Variants in TMTC2 observed in about 807,000 individuals in gnomAD.
The protein encoded by TMTC2 is protein O-mannosyl-transferase TMTC2.
Under a neutral mutation model 82.4 loss-of-function variants are expected in TMTC2, and 43 were observed. The observed-to-expected ratio is 0.52, with a 90% CI of 0.41 to 0.67. The LOEUF (loss-of-function observed/expected upper bound fraction) is 0.67. Among genes scored for constraint, TMTC2 ranks in the 30% least tolerant of loss-of-function variants. The pLI is 0.00. For synonymous variants in TMTC2, 408 were observed against 381.9 expected (o/e 1.07, Z -0.80); for missense variants, 919 against 1,012.4 (o/e 0.91, Z 1.25).
At chr12:82,744,024 T>C (rs1017416527) in intron 1 of TMTC2, among the ~76,000 whole-genome samples, 1 of 152,104 alleles carries the variant, frequency 6.6e-6, no homozygotes, top group Non-Finnish European at 1.5e-5. Context: ...CTTTAATCCC[T>C]GTGCTCTGGG....
chr12:82,814,627 A>G (rs1045481089), intron 1 of TMTC2, among the ~76,000 whole-genome samples: 3 of 152,170 alleles, frequency 2.0e-5, no homozygotes, highest in African/African-American at 7.2e-5. Flanking sequence ...AGAATTACCA[A>G]TCATGATTAG....
chr12:82,903,050 T>C (rs984321437), intron 3 of TMTC2, among the ~76,000 whole-genome samples: 8 of 152,298 alleles, frequency 5.3e-5, no homozygotes, highest in Non-Finnish European at 5.9e-5. Context: ...GTGCCTTTTA[T>C]ATGCTAGGTA....
chr12:83,103,967 A>G, intron 11 of TMTC2, among the ~76,000 whole-genome samples: 1 of 152,232 alleles, frequency 6.6e-6, no homozygotes, highest in East Asian at 1.9e-4. Context: ...CATTCCAAAA[A>G]AAGAGAACTC....
chr12:83,021,659 T>C (rs958718843), intron 8 of TMTC2, among the ~76,000 whole-genome samples: 8 of 152,130 alleles, frequency 5.3e-5, no homozygotes, highest in Non-Finnish European at 1.2e-4. Context: ...TATCCACACC[T>C]GATCCACTGG....
chr12:82,968,854 T>G (rs1250071276), intron 7 of TMTC2, among the ~76,000 whole-genome samples: 2 of 152,174 alleles, frequency 1.3e-5, no homozygotes, highest in Non-Finnish European at 2.9e-5. Flanking sequence ...GAGAAGGAGA[T>G]GGTTGCTTTG....
intron 1 of TMTC2, among the ~76,000 whole-genome samples, chr12:82,745,676 T>C (rs1156652654): frequency 1.3e-5 from 2 of 152,222 alleles, no homozygotes; most frequent in Admixed American, 1.3e-4. Flanking sequence ...TAATTGTCTT[T>C]ATGCAGGTGT....
intron 1 of TMTC2, among the ~76,000 whole-genome samples, chr12:82,797,643 GT>G (rs1259871875): frequency 1.3e-5 from 2 of 152,052 alleles, no homozygotes; most frequent in Non-Finnish European, 2.9e-5. Flanking sequence ...TGAATTAGAT[GT>G]TAAATCAATT....
chr12:83,121,768 A>G lies in TMTC2; in HGVS notation c.2332-10442A>G, dbSNP rs530925604. Among the ~76,000 whole-genome samples, 4 of 152,084 alleles carry G rather than the reference A, an allele frequency of 2.6e-5. No individual in the cohort carries two copies. In the East Asian group the frequency reaches 7.8e-4, roughly 30 times the overall value. ...TTACCAGGGTGGGTAGGGAAGGACCATTGGTTGGGGGCAGGGCTAGGCGTG... is the reference window on the plus strand; with the variant it reads ...TTACCAGGGTGGGTAGGGAAGGACCGTTGGTTGGGGGCAGGGCTAGGCGTG... On this transcript the variant is annotated intron_variant, in intron 11 of 11. Transcript: ENST00000321196.
At chr12:82,872,723 A>T (rs1872265846) in intron 2 of TMTC2, among the ~76,000 whole-genome samples, 1 of 151,738 alleles carries the variant, frequency 6.6e-6, no homozygotes, top group South Asian at 2.1e-4. Flanking sequence ...AATTGTGCAG[A>T]CTCTCTTGTG....
intron 2 of TMTC2, among the ~76,000 whole-genome samples, chr12:82,879,169 A>G (rs1219997475): frequency 6.6e-6 from 1 of 152,198 alleles, no homozygotes; most frequent in Non-Finnish European, 1.5e-5. Flanking sequence ...TATATCAGTT[A>G]CCACCTTGAA....
chr12:82,760,710 G>T (rs1276138573), intron 1 of TMTC2, among the ~76,000 whole-genome samples: 2 of 152,020 alleles, frequency 1.3e-5, no homozygotes, highest in African/African-American at 4.8e-5. Flanking sequence ...ACCATTGCTG[G>T]TATTGCCCCC....
At chr12:82,969,466 A>T (rs1207729707) in intron 7 of TMTC2, among the ~76,000 whole-genome samples, 1 of 152,118 alleles carries the variant, frequency 6.6e-6, no homozygotes, top group African/African-American at 2.4e-5. Flanking sequence ...TGCGTGAAAA[A>T]ATACAATTAT....
intron 1 of TMTC2, among the ~76,000 whole-genome samples, chr12:82,739,627 TTTTATTTCTA>T (rs1219257264): frequency 1.3e-5 from 2 of 151,864 alleles, no homozygotes; most frequent in African/African-American, 2.4e-5. Flanking sequence ...TTCTATTTAT[TTTTATTTCTA>T]TTTATTTCTA....
chr12:82,880,864 G>C (rs1286366821), intron 2 of TMTC2, among the ~76,000 whole-genome samples: 1 of 149,540 alleles, frequency 6.7e-6, no homozygotes, highest in Non-Finnish European at 1.5e-5. Flanking sequence ...GTTTGCACGT[G>C]TAAGTTCAGT....
intron 9 of TMTC2, among the ~76,000 whole-genome samples, chr12:83,041,069 C>A (rs1004638534): frequency 1.3e-5 from 2 of 150,914 alleles, no homozygotes; most frequent in Non-Finnish European, 3.0e-5. Flanking sequence ...TCATCTGTGC[C>A]CCCTTTTTTT....
At chr12:82,775,294 A>T (rs537128027) in intron 1 of TMTC2, among the ~76,000 whole-genome samples, 10 of 151,614 alleles carry the variant, frequency 6.6e-5, no homozygotes, top group Admixed American at 2.6e-4. Flanking sequence ...ATAAAAAATT[A>T]AAAAAAATAC....
chr12:83,074,816 GT>G (rs1278411540), intron 11 of TMTC2, among the ~76,000 whole-genome samples: 1 of 152,088 alleles, frequency 6.6e-6, no homozygotes, highest in Non-Finnish European at 1.5e-5. Context: ...AAAAGGTTTG[GT>G]TCTTCCCCCG....
At chr12:83,103,383 A>G (rs1313664059) in intron 11 of TMTC2, among the ~76,000 whole-genome samples, 1 of 152,216 alleles carries the variant, frequency 6.6e-6, no homozygotes, top group Non-Finnish European at 1.5e-5. Context: ...TAATTGGCTC[A>G]TAGTTCTATA....
chr12:83,049,923 G>A (rs1197465259), intron 9 of TMTC2, among the ~76,000 whole-genome samples: 1 of 152,116 alleles, frequency 6.6e-6, no homozygotes, highest in Non-Finnish European at 1.5e-5. Flanking sequence ...GGGATATTGA[G>A]CATTTTTTCA....
Sources: gnomAD v4.1 joint callset for allele counts (sites outside exome capture counted in the v4.1 genomes callset) on GRCh38, gnomAD v4.1.1 for gene constraint, MANE v1.5 for transcripts, NCBI Gene and HGNC (gene_info 2026-07-23, HGNC 2026-07-21) for gene names.